The following PRKCE variants were observed in gnomAD, a reference collection of about 807,000 sequenced individuals.
PRKCE encodes the protein protein kinase C epsilon type.
PRKCE carries 16 observed loss-of-function variants against 85.4 expected under a neutral mutation model. That is an observed-to-expected ratio of 0.19 (90% CI 0.13 to 0.28). The LOEUF (loss-of-function observed/expected upper bound fraction) is 0.28. Ranked by LOEUF, PRKCE falls within the 10% of genes least tolerant of loss-of-function variation. The pLI, the probability that PRKCE is intolerant of heterozygous loss-of-function variation, is 1.00. For missense variants in PRKCE, 573 were observed against 975.2 expected, an observed-to-expected ratio of 0.59 and a Z score of 5.49; for synonymous variants, 388 against 371.5, an observed-to-expected ratio of 1.04 and a Z score of -0.51.
chr2:45,678,664 T>C (rs1676655733), intron 1 of PRKCE, among the ~76,000 whole-genome samples: 2 of 151,992 alleles, frequency 1.3e-5, no homozygotes, highest in South Asian at 4.1e-4. Context: ...TTATTTACTG[T>C]CCAGAAGTTT....
intron 3 of PRKCE, 58 bp downstream of exon 3, chr2:45,976,646 A>T: frequency 6.4e-7 from 1 of 1,572,558 alleles, no homozygotes; most frequent in Admixed American, 1.7e-5. Flanking sequence ...GATGTCGGGG[A>T]TGGGGTAGGG....
chr2:45,788,095 C>T (rs1285224488), intron 1 of PRKCE, among the ~76,000 whole-genome samples: 1 of 152,194 alleles, frequency 6.6e-6, no homozygotes, highest in Non-Finnish European at 1.5e-5. Context: ...AGGATTTCTT[C>T]CTGGTCAAGC....
In PRKCE at chr2:46,004,545, A is replaced by G; in HGVS notation, c.970A>G (p.Ile324Val). 1.3e-6 allele frequency: 2 copies of G among 1,580,322 alleles called. No individual in the cohort carries two copies. The highest frequency in any genetic ancestry group is 1.7e-6 in the Non-Finnish European group (2 of 1,169,904). The stretch of plus-strand genomic sequence containing the variant: ...CCCTGCTTTCTCTCCTCTCTAGCTC[A>G]TTGCTGGTGCCGAGTCCCCGCAGCC... ...TNSGQRRKKL[I>V]AGAESPQPAS... The change falls in exon 8 of 15, where the codon ATT becomes GTT. Residue 324 changes from isoleucine (I) to valine (V), a missense_variant. Ile to Val is a conservative substitution (Grantham distance 29). Coordinates refer to ENST00000306156, the MANE Select transcript of PRKCE (RefSeq NM_005400.3). This position sits in a 1 kb window ranked among gnomAD's most constrained non-coding sequence, Gnocchi z 4.1.
intron 6 of PRKCE, among the ~76,000 whole-genome samples, chr2:45,991,737 T>C (rs912802643): frequency 1.3e-5 from 2 of 152,252 alleles, no homozygotes; most frequent in African/African-American, 4.8e-5. Flanking sequence ...AACCCTTGTC[T>C]TTTTGTGGTT....
chr2:45,711,377 C>G (rs1679623493), intron 1 of PRKCE, among the ~76,000 whole-genome samples: 1 of 152,248 alleles, frequency 6.6e-6, no homozygotes, highest in South Asian at 2.1e-4. Context: ...CTGCAAATCA[C>G]AGCTCTGCTA....
intron 1 of PRKCE, among the ~76,000 whole-genome samples, chr2:45,714,436 G>C (rs547212111): frequency 1.3e-5 from 2 of 152,394 alleles, no homozygotes; most frequent in South Asian, 4.1e-4. Context: ...TGCACTTGCA[G>C]AGGCCATGAG....
At chr2:45,809,012 G>A (rs999989389) in intron 1 of PRKCE, among the ~76,000 whole-genome samples, 4 of 152,076 alleles carry the variant, frequency 2.6e-5, no homozygotes, top group African/African-American at 4.8e-5. Flanking sequence ...GAGAGTCCTC[G>A]TCTACCCTGG....
chr2:46,165,165 C>G (rs992859394), intron 14 of PRKCE, among the ~76,000 whole-genome samples: 1 of 152,228 alleles, frequency 6.6e-6, no homozygotes, highest in African/African-American at 2.4e-5. Flanking sequence ...TACTAACCCC[C>G]ACCCAGTGCA....
At chr2:46,104,422 A>T (rs963722976) in intron 11 of PRKCE, among the ~76,000 whole-genome samples, 1 of 150,382 alleles carries the variant, frequency 6.6e-6, no homozygotes, top group South Asian at 2.1e-4. Context: ...TTATTGTTTC[A>T]GGCTTAATGG....
chr2:45,802,945 A>T (rs140137075), intron 1 of PRKCE, among the ~76,000 whole-genome samples: 8 of 152,336 alleles, frequency 5.3e-5, no homozygotes, highest in Middle Eastern at 3.4e-3. Flanking sequence ...ATGCAATGTC[A>T]CCTTTTTACC....
chr2:45,792,546 G>A (rs1039408433), intron 1 of PRKCE, among the ~76,000 whole-genome samples: 7 of 152,004 alleles, frequency 4.6e-5, no homozygotes, highest in Non-Finnish European at 8.8e-5. Context: ...GCTCTAACAC[G>A]CAGGAGAGAT....
At chr2:45,828,306 A>C (rs1354240379) in intron 1 of PRKCE, among the ~76,000 whole-genome samples, 2 of 152,258 alleles carry the variant, frequency 1.3e-5, no homozygotes, top group African/African-American at 2.4e-5. Context: ...AAGCTGAGGC[A>C]GGAGAATTGC....
chr2:45,957,913 C>T (rs991133340), intron 2 of PRKCE, among the ~76,000 whole-genome samples: 49 of 121,526 alleles, frequency 4.0e-4, no homozygotes, highest in African/African-American at 1.5e-3. Context: ...GAGACTGTGT[C>T]TCTATTTTTT....
rs1234675376 is a variant in PRKCE, at chr2:46,084,721, A to G, written c.1438-1487A>G. Among the ~76,000 whole-genome samples the G allele has an allele frequency of 2.6e-5, 3 of 114,104 alleles. No individual in the cohort carries two copies. The Admixed American group carries it at 2.6e-4, about 10-fold the overall frequency. 74.9% of individuals were successfully genotyped at this position (114,104 alleles called of 152,430 possible). ...TAGCAACAGAGCGAGACTCCATCAAAAAAAAAAAAAAAAAAAAAAGAATGT... is the reference window on the plus strand; with the variant it reads ...TAGCAACAGAGCGAGACTCCATCAAGAAAAAAAAAAAAAAAAAAAGAATGT... On this transcript the variant is annotated intron_variant, in intron 10 of 14. Coordinates refer to ENST00000306156, the MANE Select transcript of PRKCE (RefSeq NM_005400.3).
chr2:46,152,693 C>T (rs562018358), intron 13 of PRKCE, among the ~76,000 whole-genome samples: 4 of 151,986 alleles, frequency 2.6e-5, no homozygotes, highest in Non-Finnish European at 5.9e-5. Context: ...GGATTACAGG[C>T]GCCCACCACC....
rs367623983 is a variant in PRKCE, at chr2:45,835,710, C to A, written c.349-7290C>A. On this transcript the variant is annotated intron_variant, in intron 1 of 14. Transcript: ENST00000306156. ...GGTTCAAGCCATTCTCCTGCCTCAG[C>A]CTCCCAAGTACCTGGGACTGTAGGC... Among the ~76,000 whole-genome samples, 13 of 152,048 alleles carry A rather than the reference C, an allele frequency of 8.5e-5. No individual in the cohort carries two copies. The East Asian group carries it at 1.5e-3, about 18-fold the overall frequency.
intron 2 of PRKCE, among the ~76,000 whole-genome samples, chr2:45,937,558 A>C (rs182322179): frequency 2.7e-4 from 41 of 152,012 alleles, no homozygotes; most frequent in East Asian, 1.4e-3. Context: ...TAAAAATACA[A>C]AAAAAAATTA....
chr2:45,807,284 G>A (rs1688317713), intron 1 of PRKCE, among the ~76,000 whole-genome samples: 1 of 152,254 alleles, frequency 6.6e-6, no homozygotes, highest in South Asian at 2.1e-4. Context: ...ACACATAACA[G>A]TGGAATGATC....
At chr2:45,678,716 C>CT (rs1200794754) in intron 1 of PRKCE, among the ~76,000 whole-genome samples, 3 of 151,518 alleles carry the variant, frequency 2.0e-5, no homozygotes, top group African/African-American at 7.3e-5. Flanking sequence ...TTTCTCTGAG[C>CT]TTTAGCTCAG....
Sources: gnomAD v4.1 joint callset for allele counts (sites outside exome capture counted in the v4.1 genomes callset) on GRCh38, gnomAD v4.1.1 for gene constraint, Gnocchi (gnomAD v3.1) non-coding constraint, MANE v1.5 for transcripts, NCBI Gene and HGNC (gene_info 2026-07-23, HGNC 2026-07-21) for gene names.